The following RORA variants were observed in gnomAD, a reference collection of about 807,000 sequenced individuals.
RORA encodes RAR related orphan receptor A.
Under a neutral mutation model 69.5 loss-of-function variants are expected in RORA, and 7 were observed. The ratio of observed to expected loss-of-function variants is 0.10; its 90% CI spans 0.06 to 0.19. RORA has a LOEUF of 0.19. Ranked by LOEUF, RORA falls within the 10% of genes least tolerant of loss-of-function variation. The pLI, the probability that RORA is intolerant of heterozygous loss-of-function variation, is 1.00. For synonymous variants in RORA, 261 were observed against 240.8 expected (o/e 1.08, Z -0.78); for missense variants, 457 against 663.0 (o/e 0.69, Z 3.41).
At chr15:61,017,851 C>A (rs1895358111) in intron 1 of RORA, among the ~76,000 whole-genome samples, 1 of 152,198 alleles carries the variant, frequency 6.6e-6, no homozygotes, top group Non-Finnish European at 1.5e-5. Flanking sequence ...ATCGCTGTTA[C>A]AGTAAAACCT....
At chr15:60,988,850 T>G (rs1034347857) in intron 1 of RORA, among the ~76,000 whole-genome samples, 3 of 152,172 alleles carry the variant, frequency 2.0e-5, no homozygotes, top group African/African-American at 7.2e-5. Context: ...CCACTTACTT[T>G]TCAGTTGAAA....
chr15:61,187,457 A>AG (rs2079754979), intron 1 of RORA, among the ~76,000 whole-genome samples: 1 of 152,090 alleles, frequency 6.6e-6, no homozygotes. Flanking sequence ...AAGAGCCTCC[A>AG]GGGGGAGGAT....
At chr15:60,656,130 A>G (rs1247626817) in intron 2 of RORA, among the ~76,000 whole-genome samples, 1 of 152,202 alleles carries the variant, frequency 6.6e-6, no homozygotes, top group East Asian at 1.9e-4. Flanking sequence ...TCAACATCTG[A>G]TTGGCCCTTA....
chr15:60,752,456 G>GTT (rs1238170098), intron 1 of RORA, among the ~76,000 whole-genome samples: 1 of 151,970 alleles, frequency 6.6e-6, no homozygotes, highest in African/African-American at 2.4e-5. Context: ...TATTTTAGTG[G>GTT]CTCCCCTTTG....
intron 1 of RORA, among the ~76,000 whole-genome samples, chr15:61,218,671 A>C (rs1425230192): frequency 5.7e-5 from 2 of 35,178 alleles, no homozygotes; most frequent in African/African-American, 1.7e-4. Context: ...TTACTAATAT[A>C]ACTCACACAC....
chr15:60,593,414 A>G (rs1191625698), intron 2 of RORA: 2 of 152,392 alleles, frequency 1.3e-5, no homozygotes, highest in Non-Finnish European at 2.9e-5. Context: ...CCTAAAAATG[A>G]AACACTGTGG....
chr15:61,050,874 T>C (rs1371889295), intron 1 of RORA, among the ~76,000 whole-genome samples: 2 of 152,176 alleles, frequency 1.3e-5, no homozygotes, highest in East Asian at 1.9e-4. Flanking sequence ...GACTAACTTA[T>C]TAAAATAAAG....
intron 2 of RORA, among the ~76,000 whole-genome samples, chr15:60,549,309 G>T (rs1567079190): frequency 6.6e-6 from 1 of 152,194 alleles, no homozygotes; most frequent in African/African-American, 2.4e-5. Context: ...GCAAGTGTTG[G>T]AAAGTGGCAT....
chr15:60,934,867 C>T (rs966507016), intron 1 of RORA, among the ~76,000 whole-genome samples: 1 of 152,242 alleles, frequency 6.6e-6, no homozygotes, highest in African/African-American at 2.4e-5. Context: ...TTCTAAAGCA[C>T]ACATCCACCT....
intron 1 of RORA, among the ~76,000 whole-genome samples, chr15:60,784,086 G>T (rs958970395): frequency 6.6e-6 from 1 of 152,064 alleles, no homozygotes; most frequent in Admixed American, 6.6e-5. Context: ...ATCTAACTGG[G>T]GAAAATAAGG....
At chr15:60,658,298 G>A (rs968827315) in intron 2 of RORA, among the ~76,000 whole-genome samples, 3 of 152,018 alleles carry the variant, frequency 2.0e-5, no homozygotes, top group East Asian at 1.9e-4. Flanking sequence ...CAAGTGATCC[G>A]CCCACCTCAG....
At chr15:61,115,963 A>ATTTTTT (rs1259153562) in intron 1 of RORA, among the ~76,000 whole-genome samples, 2 of 152,182 alleles carry the variant, frequency 1.3e-5, no homozygotes, top group African/African-American at 4.8e-5. Context: ...GACAAGATGA[A>ATTTTTT]TTGGATAGGT....
intron 2 of RORA, among the ~76,000 whole-genome samples, chr15:60,663,737 G>A (rs1215166146): frequency 6.6e-6 from 1 of 152,204 alleles, no homozygotes; most frequent in Non-Finnish European, 1.5e-5. Context: ...TTACAGACAT[G>A]AGCCACCACA....
At chr15:60,838,332 T>A (rs2073146412) in intron 1 of RORA, among the ~76,000 whole-genome samples, 1 of 152,154 alleles carries the variant, frequency 6.6e-6, no homozygotes. Flanking sequence ...ACCAAACATC[T>A]GGAACAGAAA....
intron 1 of RORA, among the ~76,000 whole-genome samples, chr15:60,914,063 T>C (rs1891803462): frequency 6.6e-6 from 1 of 152,196 alleles, no homozygotes; most frequent in South Asian, 2.1e-4. Flanking sequence ...TGGCAATAGA[T>C]GATCTGCACT....
intron 1 of RORA, among the ~76,000 whole-genome samples, chr15:61,096,889 G>T (rs555683169): frequency 6.6e-6 from 1 of 152,266 alleles, no homozygotes; most frequent in South Asian, 2.1e-4. Context: ...ACACTTCTCT[G>T]CTAGCCTGAT....
At chr15:61,050,945 C>T (rs1595919588) in intron 1 of RORA, among the ~76,000 whole-genome samples, 2 of 152,302 alleles carry the variant, frequency 1.3e-5, no homozygotes, top group African/African-American at 2.4e-5. Flanking sequence ...CTAACCACCA[C>T]GTTATAGTGG....
rs1020007865 is a variant in RORA, at chr15:60,531,711, C to G, written c.282+55G>C. On this transcript the variant is annotated intron_variant, in intron 3 of 10. Transcript: ENST00000335670. The surrounding 1 kb of genome is among the most constrained non-coding windows in gnomAD (Gnocchi z 4.8). Reference sequence around the variant, plus strand: ...GACATAAGTGGAGACATACAAATCACAAAGATATATTCTAACAAACATTAA... The same window carrying G: ...GACATAAGTGGAGACATACAAATCAGAAAGATATATTCTAACAAACATTAA... 12 of 983,548 alleles carry G rather than the reference C, an allele frequency of 1.2e-5. No homozygotes were observed. In the African/African-American group the frequency reaches 2.0e-4, roughly 17 times the overall value. The allele number at this position is 983,548 out of a possible 1,614,324, so 60.9% of individuals were successfully genotyped here.
intron 1 of RORA, among the ~76,000 whole-genome samples, chr15:61,109,529 T>C (rs1246776510): frequency 1.3e-5 from 2 of 152,202 alleles, no homozygotes; most frequent in Non-Finnish European, 2.9e-5. Context: ...CCCATCTTGT[T>C]TTCAATTAAA....
Sources: gnomAD v4.1 joint callset for allele counts (sites outside exome capture counted in the v4.1 genomes callset) on GRCh38, gnomAD v4.1.1 for gene constraint, Gnocchi (gnomAD v3.1) non-coding constraint, MANE v1.5 for transcripts, NCBI Gene and HGNC (gene_info 2026-07-23, HGNC 2026-07-21) for gene names.